Variants in ADAMTSL3 observed in about 807,000 individuals in gnomAD.
ADAMTSL3 encodes the protein ADAMTS-like protein 3.
In ADAMTSL3, 128 loss-of-function variants were observed where a neutral mutation model predicts 201.7. The ratio of observed to expected loss-of-function variants is 0.63; its 90% CI spans 0.55 to 0.73. ADAMTSL3 has a LOEUF of 0.73. Ranked by LOEUF, ADAMTSL3 falls within the 30% of genes least tolerant of loss-of-function variation. The pLI is 0.00. For synonymous variants in ADAMTSL3, 738 were observed against 748.4 expected (o/e 0.99, Z 0.23); for missense variants, 1,990 against 2,119.6 (o/e 0.94, Z 1.20).
At chr15:83,966,355 G>C (rs1408244524) in intron 19 of ADAMTSL3, among the ~76,000 whole-genome samples, 1 of 151,992 alleles carries the variant, frequency 6.6e-6, no homozygotes, top group Non-Finnish European at 1.5e-5. Flanking sequence ...AATCACCATT[G>C]ATCCCACAGA....
rs1453676446 is a variant in ADAMTSL3 at position 83,942,945 on chromosome 15, A to G, written c.2353A>G (p.Thr785Ala). The change falls in exon 19 of 30, where the codon ACC becomes GCC. Residue 785 changes from threonine (T) to alanine (A), a missense_variant. Thr to Ala is a moderately conservative substitution (Grantham distance 58, BLOSUM62 0). Transcript: ENST00000286744. ...CGGGGGAACTCAGAACAGAAGAGTC[A>G]CCTGTCGGCAGCTGCTAACGGATGG... is the stretch of plus-strand genomic sequence containing the variant. ...CGGGTQNRRV[T>A]CRQLLTDGSF... 8.1e-6 allele frequency: 13 copies of G among 1,612,166 alleles called. No homozygotes were observed. In the Admixed American group the frequency reaches 8.3e-5, roughly 10 times the overall value.
At chr15:83,731,366 A>G (rs992680800) in intron 3 of ADAMTSL3, among the ~76,000 whole-genome samples, 1 of 152,094 alleles carries the variant, frequency 6.6e-6, no homozygotes, top group African/African-American at 2.4e-5. Flanking sequence ...AAAACATCTC[A>G]TATCTATTAG....
chr15:83,941,885 A>G (rs2066567561), intron 17 of ADAMTSL3, among the ~76,000 whole-genome samples: 1 of 152,208 alleles, frequency 6.6e-6, no homozygotes, highest in Non-Finnish European at 1.5e-5. Flanking sequence ...AATAACCATA[A>G]TGTGTAATTT....
At chr15:83,761,109 T>G (rs925587030) in intron 3 of ADAMTSL3, among the ~76,000 whole-genome samples, 5 of 152,148 alleles carry the variant, frequency 3.3e-5, no homozygotes, top group Non-Finnish European at 7.4e-5. Context: ...ATACATTAAT[T>G]TGGAAGTCAT....
At chr15:83,767,669 A>G (rs2062915672) in intron 3 of ADAMTSL3, among the ~76,000 whole-genome samples, 1 of 152,242 alleles carries the variant, frequency 6.6e-6, no homozygotes, top group Non-Finnish European at 1.5e-5. Context: ...ATGCAGCCCA[A>G]GAATACAGGT....
chr15:83,726,869 T>G (rs1347294302), intron 3 of ADAMTSL3, among the ~76,000 whole-genome samples: 2 of 151,836 alleles, frequency 1.3e-5, no homozygotes, highest in East Asian at 1.9e-4. Context: ...TCTTTTTTTT[T>G]TGTGTCTTTG....
intron 2 of ADAMTSL3, among the ~76,000 whole-genome samples, chr15:83,687,258 G>GTAACATA (rs1265799396): frequency 2.0e-5 from 3 of 152,104 alleles, no homozygotes; most frequent in African/African-American, 7.2e-5. Flanking sequence ...ATTAATTTTA[G>GTAACATA]TAACATATTT....
At chr15:84,036,312 T>G (rs2068504444) in intron 28 of ADAMTSL3, among the ~76,000 whole-genome samples, 1 of 152,224 alleles carries the variant, frequency 6.6e-6, no homozygotes, top group South Asian at 2.1e-4. Context: ...GTACTTCTTT[T>G]AGCAGACAAG....
intron 2 of ADAMTSL3, among the ~76,000 whole-genome samples, chr15:83,672,745 A>T (rs925946620): frequency 6.6e-5 from 10 of 152,206 alleles, no homozygotes; most frequent in African/African-American, 1.9e-4. Context: ...AAGAACAGGG[A>T]TAGGTGGGAC....
At chr15:83,991,444 G>A (rs1304037621) in intron 23 of ADAMTSL3, among the ~76,000 whole-genome samples, 1 of 152,196 alleles carries the variant, frequency 6.6e-6, no homozygotes, top group Admixed American at 6.5e-5. Flanking sequence ...TGTTTCCAGT[G>A]TGGACTGTGA....
intron 2 of ADAMTSL3, among the ~76,000 whole-genome samples, chr15:83,672,300 A>G (rs1290266051): frequency 6.6e-6 from 1 of 152,234 alleles, no homozygotes; most frequent in Non-Finnish European, 1.5e-5. Flanking sequence ...GTGTCAGTGA[A>G]GCAGGGGTGT....
Position 83,704,364 on chromosome 15 carries a change from GTGACCAAA to G in ADAMTSL3, c.70-21_70-14del. The G allele has an allele frequency of 1.2e-6, 2 of 1,614,020 alleles. No individual in the cohort carries two copies. Among genetic ancestry groups the G allele is most frequent in the Non-Finnish European group, 1.7e-6 (2 of 1,179,960 alleles). ...GGGGGTCCTTACTGGAGCCTTATTT[GTGACCAAA>G]TGATCTTGTTTTTCAGACCACAGCT... On this transcript the variant is annotated splice_polypyrimidine_tract_variant and intron_variant, in intron 2 of 29. Coordinates refer to ENST00000286744, the MANE Select transcript of ADAMTSL3 (RefSeq NM_207517.3).
chr15:83,935,572 A>G (rs1567247346), intron 17 of ADAMTSL3, among the ~76,000 whole-genome samples: 1 of 152,156 alleles, frequency 6.6e-6, no homozygotes. Context: ...ACACTCAGAT[A>G]CATTGTTGTT....
chr15:83,668,824 G>T (rs2061284786), intron 2 of ADAMTSL3, among the ~76,000 whole-genome samples: 1 of 151,944 alleles, frequency 6.6e-6, no homozygotes, highest in South Asian at 2.1e-4. Context: ...CTTCTTAATG[G>T]GGCTCTGCTC....
intron 4 of ADAMTSL3, 128 bp downstream of exon 4, chr15:83,773,778 A>T: frequency 7.8e-7 from 1 of 1,286,814 alleles, no homozygotes; most frequent in Non-Finnish European, 1.0e-6. Context: ...GCTTTGTCTA[A>T]ATATTAGTCA....
intron 14 of ADAMTSL3, 94 bp from the exon 15 acceptor site, chr15:83,899,553 T>G (rs1443501466): frequency 2.4e-6 from 3 of 1,275,034 alleles, no homozygotes; most frequent in African/African-American, 3.0e-5. Flanking sequence ...CATGACCTCT[T>G]TATAAATGAA....
At chr15:84,003,163 C>G (rs1009460518) in intron 23 of ADAMTSL3, among the ~76,000 whole-genome samples, 7 of 151,858 alleles carry the variant, frequency 4.6e-5, no homozygotes, top group Admixed American at 1.3e-4. Context: ...GCTGCCAAGG[C>G]TGGTTTAGAA....
intron 16 of ADAMTSL3, among the ~76,000 whole-genome samples, chr15:83,917,417 GTGTATGTATGTATGTATGTA>G (rs56329675): frequency 1.4e-5 from 2 of 146,638 alleles, no homozygotes; most frequent in East Asian, 4.0e-4. Flanking sequence ...TCCAAAGTGT[GTGTATGTATGTATGTATGTA>G]TGTATGTATG....
chr15:83,822,069 G>A (rs1309099460), intron 6 of ADAMTSL3, among the ~76,000 whole-genome samples: 16 of 148,176 alleles, frequency 1.1e-4, no homozygotes, highest in African/African-American at 4.0e-4. Context: ...TCCCAGTAGG[G>A]GCGGCCGGGC....
Sources: allele counts gnomAD v4.1 joint callset (sites outside exome capture counted in the v4.1 genomes callset), GRCh38; gene constraint gnomAD v4.1.1; transcripts MANE v1.5; gene names NCBI Gene and HGNC (gene_info 2026-07-23, HGNC 2026-07-21).